NTRK1: variants seen among roughly 807,000 people sequenced by gnomAD.
NTRK1 encodes the protein high affinity nerve growth factor receptor.
Under a neutral mutation model 86.8 loss-of-function variants are expected in NTRK1, and 62 were observed. The ratio of observed to expected loss-of-function variants is 0.71; its 90% CI spans 0.58 to 0.88. NTRK1 has a LOEUF of 0.88. NTRK1 is among the 40% of genes least tolerant of loss of function. The pLI is 0.00. For synonymous variants in NTRK1, 469 were observed against 456.6 expected, an observed-to-expected ratio of 1.03 and a Z score of -0.35; for missense variants, 967 against 1,078.4, an observed-to-expected ratio of 0.90 and a Z score of 1.45.
At chr1:156,833,210 A>G (rs1192065923) in intron 1 of NTRK1, among the ~76,000 whole-genome samples, 1 of 152,224 alleles carries the variant, frequency 6.6e-6, no homozygotes, top group Non-Finnish European at 1.5e-5. Flanking sequence ...CACTTTCCTC[A>G]TCTGTAAAAT....
At chr1:156,878,627 C>T (rs76144905) in intron 14 of NTRK1, among the ~76,000 whole-genome samples, 5,655 of 152,160 alleles carry the variant, frequency 0.037, 317 homozygotes, top group African/African-American at 0.12. Flanking sequence ...GGGGAGAAGG[C>T]GGGCATCCTG....
intron 1 of NTRK1, among the ~76,000 whole-genome samples, chr1:156,832,137 C>T (rs1267168626): frequency 6.6e-6 from 1 of 152,184 alleles, no homozygotes; most frequent in African/African-American, 2.4e-5. Flanking sequence ...TGAAACTTAA[C>T]TAGTTTTAGT....
intron 1 of NTRK1, among the ~76,000 whole-genome samples, chr1:156,830,475 T>C (rs1654438866): frequency 6.6e-6 from 1 of 152,108 alleles, no homozygotes; most frequent in Non-Finnish European, 1.5e-5. Context: ...GGCAAGTTTC[T>C]TGATCTCTCC....
In NTRK1 at chr1:156,854,211, T is replaced by C. The variant is rs2102870304; in HGVS notation, c.51-10143T>C. ...AAGTCCTCCCCGGTGGCTGTGAACA[T>C]GAGCAGGATCTGCAGGTGGCCCTCC... On this transcript the variant is annotated intron_variant, in intron 2 of 16. Coordinates refer to the NTRK1 transcript ENST00000392302. This position sits in a 1 kb window ranked among gnomAD's most constrained non-coding sequence, Gnocchi z 4.2. The C allele has an allele frequency of 1.2e-6, 2 of 1,614,052 alleles. No individual in the cohort carries two copies. Among genetic ancestry groups the C allele is most frequent in the Non-Finnish European group, 1.7e-6 (2 of 1,180,020 alleles).
chr1:156,842,923 C>A, intron 2 of NTRK1: 1 of 1,110,188 alleles, frequency 9.0e-7, no homozygotes, highest in Non-Finnish European at 1.3e-6. Flanking sequence ...GGTGCCCTAA[C>A]CTCATCTCTG....
intron 7 of NTRK1, among the ~76,000 whole-genome samples, chr1:156,872,912 C>T (rs1446126716): frequency 1.3e-5 from 2 of 151,934 alleles, no homozygotes; most frequent in East Asian, 1.9e-4. Context: ...CTCCTGACCT[C>T]GTGATCCGCC....
chr1:156,853,541 T>C (rs975394530), intron 2 of NTRK1, among the ~76,000 whole-genome samples: 1 of 152,228 alleles, frequency 6.6e-6, no homozygotes, highest in Non-Finnish European at 1.5e-5. Flanking sequence ...TATTCCATGA[T>C]GCCGCCTTGG....
intron 16 of NTRK1, among the ~76,000 whole-genome samples, chr1:156,880,930 T>C (rs1648223121): frequency 6.6e-6 from 1 of 152,242 alleles, no homozygotes; most frequent in Admixed American, 6.5e-5. Context: ...TGATCTTTCT[T>C]GCTGCAGTTT....
In NTRK1 at chr1:156,875,015, C is replaced by G. The variant is rs752271128; in HGVS notation, c.1354+7C>G. The G allele has an allele frequency of 6.9e-6, 11 of 1,597,232 alleles. No individual in the cohort carries two copies. The highest frequency in any genetic ancestry group is 9.4e-6 in the Non-Finnish European group (11 of 1,164,820). On this transcript the variant is annotated splice_region_variant and intron_variant, in intron 11 of 16. Transcript: ENST00000524377. ...AACAAGTTTGGGATCAACCGTGAGT[C>G]GGGGCTGCAGAGGGCTGTCTGTCTG...
At chr1:156,830,208 A>C (rs1208229128) in intron 1 of NTRK1, among the ~76,000 whole-genome samples, 1 of 152,114 alleles carries the variant, frequency 6.6e-6, no homozygotes, top group Non-Finnish European at 1.5e-5. Context: ...AAGTGTTTTC[A>C]CCTTAAAAAT....
upstream of NTRK1, chr1:156,860,776 A>G: frequency 7.7e-7 from 1 of 1,293,128 alleles, no homozygotes; most frequent in Middle Eastern, 2.9e-4. Context: ...CGGGTGGAGA[A>G]GAGGGGCAAG....
At chr1:156,831,773 G>A (rs1461220317) in intron 1 of NTRK1, among the ~76,000 whole-genome samples, 3 of 152,230 alleles carry the variant, frequency 2.0e-5, no homozygotes, top group Non-Finnish European at 4.4e-5. Context: ...GCAGAAAGAT[G>A]TTAGAGGGAA....
chr1:156,852,867 C>T (rs777865325), intron 2 of NTRK1, among the ~76,000 whole-genome samples: 15 of 152,106 alleles, frequency 9.9e-5, no homozygotes, highest in South Asian at 4.1e-4. Context: ...GGGGTGCAGC[C>T]GATACAGCAG....
chr1:156,853,498 C>T (rs912833318), intron 2 of NTRK1, among the ~76,000 whole-genome samples: 1 of 152,166 alleles, frequency 6.6e-6, no homozygotes, highest in Non-Finnish European at 1.5e-5. Flanking sequence ...CTATTCTTTT[C>T]CCCCCATGCC....
intron 1 of NTRK1, among the ~76,000 whole-genome samples, chr1:156,839,266 C>T (rs1654690264): frequency 1.3e-5 from 2 of 152,208 alleles, no homozygotes; most frequent in African/African-American, 4.8e-5. Flanking sequence ...TGCTGGCGGG[C>T]GTGAGCAAGG....
At chr1:156,841,396 C>A (rs982617940) in intron 1 of NTRK1, 1 of 1,613,610 alleles carries the variant, frequency 6.2e-7, no homozygotes, top group African/African-American at 1.3e-5. Context: ...TGACTCACAG[C>A]TGAAGGGGAC....
At chr1:156,835,641 G>A (rs938465770) in intron 1 of NTRK1, among the ~76,000 whole-genome samples, 3 of 152,160 alleles carry the variant, frequency 2.0e-5, no homozygotes, top group East Asian at 1.9e-4. Flanking sequence ...TCTGTAACCT[G>A]CTCTTTTCAC....
At chr1:156,846,389 A>G in intron 2 of NTRK1, 1 of 811,082 alleles carries the variant, frequency 1.2e-6, no homozygotes, top group Non-Finnish European at 2.0e-6. Context: ...TCTAGGACTC[A>G]AGCATCTGGC....
chr1:156,860,794 C>G (rs1655600367), upstream of NTRK1: 3 of 1,324,086 alleles, frequency 2.3e-6, no homozygotes, highest in African/African-American at 4.7e-5. Flanking sequence ...AAGGCGGGGC[C>G]GGGCGGGGGC....
Sources: allele counts gnomAD v4.1 joint callset (sites outside exome capture counted in the v4.1 genomes callset), GRCh38; gene constraint gnomAD v4.1.1; non-coding constraint Gnocchi (gnomAD v3.1); transcripts MANE v1.5; gene names NCBI Gene and HGNC (gene_info 2026-07-23, HGNC 2026-07-21).